Variants in TNFRSF1B observed in about 807,000 individuals in gnomAD.
TNFRSF1B encodes TNF receptor superfamily member 1B, also known as tumor necrosis factor receptor superfamily member 1B.
Under a neutral mutation model 44.6 loss-of-function variants are expected in TNFRSF1B, and 19 were observed. That is an observed-to-expected ratio of 0.43 (90% CI 0.30 to 0.62). The LOEUF is 0.62. Among genes scored for constraint, TNFRSF1B ranks in the 20% least tolerant of loss-of-function variants. TNFRSF1B has a pLI of 0.16. For synonymous variants in TNFRSF1B, 252 were observed against 261.1 expected (o/e 0.97, Z 0.34); for missense variants, 541 against 619.9 (o/e 0.87, Z 1.35).
chr1:12,192,037 T>C (rs1220629671), intron 4 of TNFRSF1B, 114 bp downstream of exon 4: 33 of 1,400,772 alleles, frequency 2.4e-5, no homozygotes, highest in African/African-American at 7.1e-5. Context: ...GCACTGTTAG[T>C]GGTGGCCAGG....
chr1:12,204,117 C>T (rs1639449515), intron 9 of TNFRSF1B, among the ~76,000 whole-genome samples: 2 of 152,142 alleles, frequency 1.3e-5, no homozygotes, highest in Admixed American at 6.5e-5. Context: ...CCCCTCTCCC[C>T]TCTGCCCCTT....
intron 6 of TNFRSF1B, 127 bp downstream of exon 6, chr1:12,193,225 A>G: frequency 1.2e-6 from 1 of 866,270 alleles, no homozygotes; most frequent in Non-Finnish European, 1.9e-6. Flanking sequence ...GTCCTGGGAT[A>G]CAGGTGGCAG....
chr1:12,201,517 G>A (rs1391699368), intron 8 of TNFRSF1B, among the ~76,000 whole-genome samples: 1 of 151,514 alleles, frequency 6.6e-6, no homozygotes, highest in East Asian at 1.9e-4. Flanking sequence ...CTTGTCCAAG[G>A]TCACACAGCA....
intron 2 of TNFRSF1B, 39 bp from the exon 3 acceptor site, chr1:12,190,918 G>A (rs1288010475): frequency 1.9e-6 from 3 of 1,603,668 alleles, no homozygotes; most frequent in Non-Finnish European, 2.6e-6. Flanking sequence ...CCTGGCAGAA[G>A]GCTCGCCCAG....
chr1:12,192,372 A>G (rs1455555074), intron 4 of TNFRSF1B, 59 bp from the exon 5 acceptor site: 1 of 1,565,860 alleles, frequency 6.4e-7, no homozygotes, highest in East Asian at 2.2e-5. Flanking sequence ...TCTAGTGCCA[A>G]GGCCCAGCTG....
At chr1:12,193,860 A>C in intron 6 of TNFRSF1B, 95 bp from the exon 7 acceptor site, 1 of 899,150 alleles carries the variant, frequency 1.1e-6, no homozygotes. Context: ...ATTTGCAATG[A>C]CCCGAAGCAC....
In TNFRSF1B at chr1:12,193,009, C is replaced by T. The variant is rs1639183799; in HGVS notation, c.698C>T (p.Pro233Leu). ...RSQHTQPTPEPSTAPSTSFLL... is the reference protein window; with the variant it reads ...RSQHTQPTPELSTAPSTSFLL... ...CAACACACGCAGCCAACTCCAGAAC[C>T]CAGCACTGCTCCAAGCACCTCCTTC... Residue 233 changes from proline to leucine, a missense_variant, in exon 6 of 10, where the codon CCC becomes CTC. By Grantham distance (98) the Pro-to-Leu change is moderately conservative. Coordinates refer to ENST00000376259, the MANE Select transcript of TNFRSF1B (RefSeq NM_001066.3). The T allele has an allele frequency of 5.0e-6, 8 of 1,614,248 alleles. No homozygotes were observed. Among genetic ancestry groups the T allele is most frequent in the Non-Finnish European group, 6.8e-6 (8 of 1,180,042 alleles).
At chr1:12,193,882 G>T (rs1639207895) in intron 6 of TNFRSF1B, 73 bp from the exon 7 acceptor site, 2 of 1,278,620 alleles carry the variant, frequency 1.6e-6, no homozygotes, top group East Asian at 4.6e-5. Flanking sequence ...TTGGGTCCCT[G>T]GCTTGCCTGG....
rs1416835620 is a variant in TNFRSF1B, at chr1:12,185,289, C to A, written c.79-3507C>A. Among the ~76,000 whole-genome samples the A allele has an allele frequency of 2.6e-5, 4 of 151,260 alleles. No homozygotes were observed. The East Asian group carries it at 5.8e-4, about 22-fold the overall frequency. ...GTGTTCTGCAAAGGAGCGTGAGAAT[C>A]ACTGGGGAGATTTCCTTTTTCTTTT... is the stretch of plus-strand genomic sequence containing the variant. On this transcript the variant is annotated intron_variant, in intron 1 of 9. Coordinates refer to ENST00000376259, the MANE Select transcript of TNFRSF1B (RefSeq NM_001066.3).
intron 9 of TNFRSF1B, among the ~76,000 whole-genome samples, chr1:12,204,200 A>G (rs1210973293): frequency 6.9e-6 from 1 of 144,452 alleles, no homozygotes; most frequent in East Asian, 2.0e-4. Context: ...TCTCCCTCCC[A>G]CCCCTAACAC....
intron 1 of TNFRSF1B, among the ~76,000 whole-genome samples, chr1:12,176,960 A>C (rs891605623): frequency 6.6e-6 from 1 of 151,208 alleles, no homozygotes; most frequent in Non-Finnish European, 1.5e-5. Context: ...CTCTGGCCTT[A>C]GCTCTGCCTG....
At chr1:12,191,471 G>C (rs1276471899) in intron 3 of TNFRSF1B, among the ~76,000 whole-genome samples, 1 of 151,714 alleles carries the variant, frequency 6.6e-6, no homozygotes, top group Non-Finnish European at 1.5e-5. Flanking sequence ...CTGCAGGGAG[G>C]AGCGGGACTG....
chr1:12,198,691 GT>G (rs60313758), intron 8 of TNFRSF1B, among the ~76,000 whole-genome samples: 19 of 85,628 alleles, frequency 2.2e-4, no homozygotes, highest in South Asian at 3.9e-4. Context: ...CTGGAATTCT[GT>G]TTTTTTTTTT....
intron 1 of TNFRSF1B, among the ~76,000 whole-genome samples, chr1:12,188,262 T>C (rs1020621050): frequency 6.6e-6 from 1 of 151,814 alleles, no homozygotes; most frequent in African/African-American, 2.4e-5. Context: ...TCCAGAACAA[T>C]GAGATGACTG....
At chr1:12,191,525 C>T (rs1172703753) in intron 3 of TNFRSF1B, among the ~76,000 whole-genome samples, 2 of 145,624 alleles carry the variant, frequency 1.4e-5, no homozygotes, top group Middle Eastern at 3.7e-3. Context: ...CTGCGGGGGA[C>T]GAGCGCGACT....
chr1:12,174,477 A>C (rs1638608670), intron 1 of TNFRSF1B, among the ~76,000 whole-genome samples: 1 of 152,080 alleles, frequency 6.6e-6, no homozygotes, highest in Admixed American at 6.6e-5. Flanking sequence ...CGAACTCCTG[A>C]CCTCAAGTGA....
intron 8 of TNFRSF1B, among the ~76,000 whole-genome samples, chr1:12,200,199 G>T (rs1165062301): frequency 6.6e-6 from 1 of 152,066 alleles, no homozygotes; most frequent in East Asian, 1.9e-4. Context: ...AATCAATATA[G>T]ATATTGTCTG....
Position 12,177,509 on chromosome 1 carries a change from G to T in TNFRSF1B, c.78+10340G>T, listed in dbSNP as rs1570130734. Among the ~76,000 whole-genome samples the T allele has an allele frequency of 6.6e-6, 1 of 152,286 alleles. No homozygotes were observed. Among genetic ancestry groups the T allele is most frequent in the Non-Finnish European group, 1.5e-5 (1 of 68,014 alleles). On this transcript the variant is annotated intron_variant, in intron 1 of 9. Transcript: ENST00000376259. The surrounding 1 kb of genome is among the most constrained non-coding windows in gnomAD (Gnocchi z 4.3). ...GTGGGGGAGCAGGATTCCAGGGCCT[G>T]CCTGGCGCTGCTACCCCTGTGCCTC...
At chr1:12,201,208 C>T (rs1639383681) in intron 8 of TNFRSF1B, among the ~76,000 whole-genome samples, 1 of 142,974 alleles carries the variant, frequency 7.0e-6, no homozygotes, top group Non-Finnish European at 1.5e-5. Context: ...CTATAGTCAG[C>T]TATGATTGTG....
Sources: allele counts gnomAD v4.1 joint callset (sites outside exome capture counted in the v4.1 genomes callset), GRCh38; gene constraint gnomAD v4.1.1; non-coding constraint Gnocchi (gnomAD v3.1); transcripts MANE v1.5; gene names NCBI Gene and HGNC (gene_info 2026-07-23, HGNC 2026-07-21).